Variants in GRIK2 observed in about 807,000 individuals in gnomAD.
The protein encoded by GRIK2 is glutamate ionotropic receptor kainate type subunit 2.
A neutral mutation model predicts 100.3 loss-of-function variants in GRIK2; 32 were observed. The observed-to-expected ratio is 0.32, with a 90% CI of 0.24 to 0.43. GRIK2 has a LOEUF of 0.43. Among genes scored for constraint, GRIK2 ranks in the 20% least tolerant of loss-of-function variants. The pLI, the probability that GRIK2 is intolerant of heterozygous loss-of-function variation, is 1.00. For missense variants in GRIK2, 843 were observed against 1,114.9 expected (o/e 0.76, Z 3.47); for synonymous variants, 417 against 389.4 (o/e 1.07, Z -0.83).
intron 14 of GRIK2, among the ~76,000 whole-genome samples, chr6:101,990,065 T>A (rs1794272816): frequency 6.6e-6 from 1 of 151,652 alleles, no homozygotes; most frequent in Non-Finnish European, 1.5e-5. Flanking sequence ...TCAGTGTGAA[T>A]ATTACATTGA....
At chr6:101,707,518 G>A (rs1374954559) in intron 7 of GRIK2, among the ~76,000 whole-genome samples, 2 of 142,428 alleles carry the variant, frequency 1.4e-5, no homozygotes, top group African/African-American at 2.6e-5. Flanking sequence ...TAATAGAATT[G>A]TGAAAATATA....
At chr6:101,922,728 T>G (rs1582542671) in intron 12 of GRIK2, among the ~76,000 whole-genome samples, 1 of 152,088 alleles carries the variant, frequency 6.6e-6, no homozygotes, top group Non-Finnish European at 1.5e-5. Flanking sequence ...TGGAGATGGG[T>G]GCTCTAGCAG....
intron 13 of GRIK2, among the ~76,000 whole-genome samples, chr6:101,925,206 C>G (rs1789808402): frequency 1.3e-5 from 2 of 151,974 alleles, no homozygotes; most frequent in South Asian, 4.1e-4. Context: ...AAAACATGAA[C>G]TTTTTGAGTA....
At chr6:101,616,553 CTT>C (rs1779904081) in intron 2 of GRIK2, among the ~76,000 whole-genome samples, 1 of 151,650 alleles carries the variant, frequency 6.6e-6, no homozygotes, top group Admixed American at 6.6e-5. Flanking sequence ...TGTAAAAAGT[CTT>C]TTACCATTGT....
rs191824094 is a variant in GRIK2, at chr6:101,811,673, T to C, written c.1204-6697T>C. On this transcript the variant is annotated intron_variant, in intron 9 of 16. Coordinates refer to ENST00000369134, the MANE Select transcript of GRIK2 (RefSeq NM_021956.5). The stretch of plus-strand genomic sequence containing the variant: ...TAAGAAATGTGTGACATTGATCCGG[T>C]GTACACAAAACAGAGCTAACATGCA... Among the ~76,000 whole-genome samples the C allele has an allele frequency of 2.7e-4, 41 of 152,042 alleles. 1 individual carries two copies. In the East Asian group the frequency reaches 7.7e-3, roughly 29 times the overall value.
chr6:101,917,126 G>T (rs1173991924), intron 12 of GRIK2, among the ~76,000 whole-genome samples: 1 of 151,412 alleles, frequency 6.6e-6, no homozygotes, highest in East Asian at 1.9e-4. Context: ...GTTATAACTG[G>T]CCCTTCTCAG....
intron 2 of GRIK2, among the ~76,000 whole-genome samples, chr6:101,522,565 CAACACTTTT>C (rs1774930666): frequency 6.6e-6 from 1 of 152,036 alleles, no homozygotes; most frequent in African/African-American, 2.4e-5. Flanking sequence ...AAAAATCATG[CAACACTTTT>C]AAAGTACTTA....
intron 16 of GRIK2, among the ~76,000 whole-genome samples, chr6:102,057,231 C>T (rs1562144781): frequency 6.6e-6 from 1 of 151,802 alleles, no homozygotes; most frequent in Non-Finnish European, 1.5e-5. Context: ...TAATAATTTT[C>T]TTTAAGTTAT....
In GRIK2 at chr6:101,518,960, C is replaced by T. The variant is rs186940739; in HGVS notation, c.116-102989C>T. Reference sequence around the variant, plus strand: ...TTATAGATGCATTATTGATTCCAGTCGAGACTGTTAGAACTTTCAGGAGGA... The same window carrying T: ...TTATAGATGCATTATTGATTCCAGTTGAGACTGTTAGAACTTTCAGGAGGA... On this transcript the variant is annotated intron_variant, in intron 2 of 16. Transcript: ENST00000369134. 3.3e-5 allele frequency among the ~76,000 whole-genome samples: 5 copies of T among 152,134 alleles called. No homozygotes were observed. The East Asian group carries it at 5.8e-4, about 18-fold the overall frequency.
At chr6:101,758,998 A>G (rs375911723) in intron 7 of GRIK2, among the ~76,000 whole-genome samples, 8 of 152,304 alleles carry the variant, frequency 5.3e-5, no homozygotes, top group African/African-American at 1.9e-4. Flanking sequence ...TTTTGCATTC[A>G]GGGAAAAAGG....
intron 2 of GRIK2, among the ~76,000 whole-genome samples, chr6:101,541,352 G>A (rs143898584): frequency 0.057 from 2,924 of 51,124 alleles, 92 homozygotes; most frequent in Non-Finnish European, 0.059. Context: ...CCGGGTAACA[G>A]ATGTTACACC....
At chr6:101,671,661 C>T (rs561775691) in intron 4 of GRIK2, among the ~76,000 whole-genome samples, 6 of 152,180 alleles carry the variant, frequency 3.9e-5, no homozygotes, top group South Asian at 2.1e-4. Context: ...GTCAGGAGTT[C>T]GAGACCAGTC....
At chr6:101,561,651 G>GAA (rs201303642) in intron 2 of GRIK2, among the ~76,000 whole-genome samples, 1 of 150,812 alleles carries the variant, frequency 6.6e-6, no homozygotes, top group Non-Finnish European at 1.5e-5. Context: ...TAAAAATACA[G>GAA]AAAAAAAAGA....
At chr6:101,401,911 C>T (rs1226013437) in intron 2 of GRIK2, among the ~76,000 whole-genome samples, 1 of 152,162 alleles carries the variant, frequency 6.6e-6, no homozygotes, top group Admixed American at 6.5e-5. Flanking sequence ...TCCAGTGTCC[C>T]TTCCATCCCC....
chr6:101,630,887 TTTA>T (rs902313989), intron 4 of GRIK2, among the ~76,000 whole-genome samples: 4 of 152,136 alleles, frequency 2.6e-5, no homozygotes, highest in Admixed American at 1.3e-4. Flanking sequence ...TCCATATTTA[TTTA>T]TTATGTATGC....
intron 7 of GRIK2, among the ~76,000 whole-genome samples, chr6:101,787,876 T>A (rs1163881742): frequency 6.6e-6 from 1 of 152,162 alleles, no homozygotes; most frequent in African/African-American, 2.4e-5. Flanking sequence ...GATGAGCTGT[T>A]AAATGTTGAG....
intron 11 of GRIK2, among the ~76,000 whole-genome samples, chr6:101,862,770 A>G (rs1402397852): frequency 6.6e-6 from 1 of 152,270 alleles, no homozygotes; most frequent in East Asian, 1.9e-4. Context: ...TCATAGTTTG[A>G]TACATTTTAA....
At chr6:101,720,732 G>GAA (rs149000394) in intron 7 of GRIK2, among the ~76,000 whole-genome samples, 1 of 150,092 alleles carries the variant, frequency 6.7e-6, no homozygotes, top group Non-Finnish European at 1.5e-5. Flanking sequence ...GTCCTAGAAG[G>GAA]AAAAAAAAAG....
At chr6:101,583,562 T>A (rs1307703907) in intron 2 of GRIK2, among the ~76,000 whole-genome samples, 1 of 152,154 alleles carries the variant, frequency 6.6e-6, no homozygotes, top group Non-Finnish European at 1.5e-5. Context: ...TCAACTATGA[T>A]GCATCAGATA....
Sources: gnomAD v4.1 joint callset for allele counts (sites outside exome capture counted in the v4.1 genomes callset) on GRCh38, gnomAD v4.1.1 for gene constraint, MANE v1.5 for transcripts, NCBI Gene and HGNC (gene_info 2026-07-23, HGNC 2026-07-21) for gene names.